QRICH1: variants seen among roughly 807,000 people sequenced by gnomAD.
QRICH1 encodes glutamine rich 1.
A neutral mutation model predicts 87.1 loss-of-function variants in QRICH1; 16 were observed. The observed-to-expected ratio is 0.18, with a 90% confidence interval of 0.12 to 0.28. QRICH1 has a LOEUF of 0.28. Among genes scored for constraint, QRICH1 ranks in the 10% least tolerant of loss-of-function variants. The pLI, the probability that QRICH1 is intolerant of heterozygous loss-of-function variation, is 1.00. For synonymous variants in QRICH1, 367 were observed against 368.4 expected (o/e 1.00, Z 0.05); for missense variants, 647 against 951.7 (o/e 0.68, Z 4.21).
intron 1 of QRICH1, among the ~76,000 whole-genome samples, chr3:49,080,881 TA>T (rs886427156): frequency 1.8e-4 from 22 of 125,098 alleles, no homozygotes; most frequent in African/African-American, 6.4e-4. Context: ...AAATAAAAAG[TA>T]AAAACAGCTA....
chr3:49,033,137 G>A lies in QRICH1; in HGVS notation c.1878C>T (p.Leu626=), dbSNP rs1264301803. 1.9e-6 allele frequency: 3 copies of A among 1,569,538 alleles called. No individual in the cohort carries two copies. The Admixed American group carries it at 5.7e-5, about 30-fold the overall frequency. ...AHSPSTLLTT[L]MFFNTKYFLL... ...ACACTTACTTGGTATTAAAGAACAT[G>A]AGGGTGGTCAGCAAGGTGGAGGGGG... The change falls in exon 7 of 10, where the codon CTC becomes CTT. Residue 626 remains leucine, a synonymous_variant. Coordinates refer to ENST00000395443, the MANE Select transcript of QRICH1 (RefSeq NM_198880.3).
intron 2 of QRICH1, among the ~76,000 whole-genome samples, chr3:49,064,042 G>A (rs974230936): frequency 2.0e-5 from 3 of 151,868 alleles, no homozygotes; most frequent in Non-Finnish European, 2.9e-5. Context: ...GAGTGGCTGG[G>A]ATTACAGGCA....
intron 1 of QRICH1, among the ~76,000 whole-genome samples, chr3:49,081,021 A>G (rs2042048965): frequency 6.6e-6 from 1 of 151,288 alleles, no homozygotes; most frequent in Admixed American, 6.6e-5. Flanking sequence ...TAAAAAACTA[A>G]AAATCACCCT....
chr3:49,049,082 C>A (rs1387914615), intron 3 of QRICH1, among the ~76,000 whole-genome samples: 1 of 151,518 alleles, frequency 6.6e-6, no homozygotes, highest in Non-Finnish European at 1.5e-5. Flanking sequence ...TTGTAGTTTT[C>A]GTAGAGACGG....
chr3:49,089,251 G>T (rs2042227846), intron 1 of QRICH1, among the ~76,000 whole-genome samples: 1 of 151,804 alleles, frequency 6.6e-6, no homozygotes, highest in South Asian at 2.1e-4. Context: ...GTAGAGACGG[G>T]ATTTCACCAT....
chr3:49,036,097 AT>A (rs765308273), intron 6 of QRICH1, among the ~76,000 whole-genome samples: 4 of 152,152 alleles, frequency 2.6e-5, no homozygotes, highest in Non-Finnish European at 1.5e-5. Flanking sequence ...AAATAAAAAA[AT>A]AAATCAAAAT....
chr3:49,084,044 C>T (rs999609168), intron 1 of QRICH1, among the ~76,000 whole-genome samples: 20 of 152,208 alleles, frequency 1.3e-4, no homozygotes, highest in African/African-American at 4.8e-4. Flanking sequence ...TCATGATCCA[C>T]CCGCCTCAGC....
intron 1 of QRICH1, among the ~76,000 whole-genome samples, chr3:49,086,498 C>G (rs1332692922): frequency 6.6e-6 from 1 of 152,078 alleles, no homozygotes; most frequent in African/African-American, 2.4e-5. Context: ...ACCTCGTGAT[C>G]CTCAGCCTCC....
intron 2 of QRICH1, among the ~76,000 whole-genome samples, chr3:49,064,194 G>A (rs2093452545): frequency 6.7e-6 from 1 of 149,380 alleles, no homozygotes; most frequent in African/African-American, 2.5e-5. Context: ...GCCTCCCAAA[G>A]TGCTGGGATT....
intron 2 of QRICH1, among the ~76,000 whole-genome samples, chr3:49,066,033 T>C (rs1270666428): frequency 6.6e-6 from 1 of 152,090 alleles, no homozygotes; most frequent in Non-Finnish European, 1.5e-5. Context: ...GCCTGTAACC[T>C]CAGCACTTTG....
intron 3 of QRICH1, among the ~76,000 whole-genome samples, chr3:49,054,177 T>C (rs188747565): frequency 1.7e-3 from 262 of 152,278 alleles, no homozygotes; most frequent in Non-Finnish European, 2.7e-3. Flanking sequence ...GATCTTCTCC[T>C]GCTGAAGACC....
intron 6 of QRICH1, among the ~76,000 whole-genome samples, chr3:49,043,554 G>A (rs542229742): frequency 2.6e-4 from 37 of 140,604 alleles, no homozygotes; most frequent in African/African-American, 9.4e-4. Flanking sequence ...GGCCAGGCAC[G>A]GTGGTGGCTC....
chr3:49,083,666 G>A (rs2042114693), intron 1 of QRICH1: 1 of 152,204 alleles, frequency 6.6e-6, no homozygotes, highest in African/African-American at 2.4e-5. Context: ...GGGAGGCCGA[G>A]GCAGGAGGAT....
chr3:49,056,807 T>G, intron 3 of QRICH1, 55 bp downstream of exon 3: 1 of 1,613,234 alleles, frequency 6.2e-7, no homozygotes, highest in Non-Finnish European at 8.5e-7. Context: ...AGCTCTGTGC[T>G]GCACTGGGCC....
At chr3:49,034,611 C>T (rs961933046) in intron 6 of QRICH1, among the ~76,000 whole-genome samples, 1 of 152,118 alleles carries the variant, frequency 6.6e-6, no homozygotes, top group African/African-American at 2.4e-5. Context: ...CACGCCTAGC[C>T]AATATGCCAG....
intron 1 of QRICH1, among the ~76,000 whole-genome samples, chr3:49,081,295 T>C (rs2042054477): frequency 6.6e-6 from 1 of 151,820 alleles, no homozygotes; most frequent in South Asian, 2.1e-4. Context: ...CACATTCCTG[T>C]AATCCCAGCT....
At chr3:49,059,509 T>A (rs958256621) in intron 2 of QRICH1, among the ~76,000 whole-genome samples, 4 of 148,182 alleles carry the variant, frequency 2.7e-5, no homozygotes, top group African/African-American at 1.0e-4. Flanking sequence ...AACCTCCGCC[T>A]CCTGGGTTCA....
intron 2 of QRICH1, among the ~76,000 whole-genome samples, chr3:49,066,968 G>T (rs1355765557): frequency 6.6e-6 from 1 of 151,890 alleles, no homozygotes; most frequent in African/African-American, 2.4e-5. Context: ...AACCTGGGGG[G>T]CGGAGGTTGC....
At chr3:49,030,739 G>A in intron 9 of QRICH1, 95 bp from the exon 10 acceptor site, 1 of 1,116,820 alleles carries the variant, frequency 9.0e-7, no homozygotes, top group Middle Eastern at 2.1e-4. Flanking sequence ...CAAACAGTAA[G>A]GCCCCAAGTT....
Sources: allele counts gnomAD v4.1 joint callset (sites outside exome capture counted in the v4.1 genomes callset), GRCh38; gene constraint gnomAD v4.1.1; transcripts MANE v1.5; gene names NCBI Gene and HGNC (gene_info 2026-07-23, HGNC 2026-07-21).